Variants in KIAA1614 observed in about 807,000 individuals in gnomAD.
The protein encoded by KIAA1614 is uncharacterized protein KIAA1614.
KIAA1614 carries 76 observed loss-of-function variants against 88.7 expected under a neutral mutation model. The ratio of observed to expected loss-of-function variants is 0.86; its 90% CI spans 0.71 to 1.04. KIAA1614 has a LOEUF of 1.04. KIAA1614 is among the 50% of genes least tolerant of loss of function. The pLI is 0.00. For synonymous variants in KIAA1614, 714 were observed against 675.5 expected (o/e 1.06, Z -0.88); for missense variants, 1,553 against 1,582.5 (o/e 0.98, Z 0.32).
At chr1:180,926,148 A>C (rs566071235) in intron 3 of KIAA1614, among the ~76,000 whole-genome samples, 2 of 152,296 alleles carry the variant, frequency 1.3e-5, no homozygotes, top group East Asian at 3.9e-4. Context: ...CATGGCACTG[A>C]CCACCCCAAC....
Position 180,941,277 on chromosome 1 carries a change from CT to C in KIAA1614, c.3152del (p.Leu1051ArgfsTer23). 1.2e-6 allele frequency: 2 copies of C among 1,608,160 alleles called. No individual in the cohort carries two copies. Among genetic ancestry groups the C allele is most frequent in the Non-Finnish European group, 1.7e-6 (2 of 1,175,770 alleles). On this transcript the variant is annotated frameshift_variant, in exon 7 of 9. Transcript: ENST00000367588. LOFTEE classifies it high-confidence loss of function. The stretch of plus-strand genomic sequence containing the variant: ...GTCCAGGGCCCCATCGTTACAATCC[CT>C]GCACCCGGTGAGTCCAGGGGCCCCA... ...SQSRAPSLQS[L>X]HPVSPSHQRR...
Position 180,936,339 on chromosome 1 carries a change from T to G in KIAA1614, c.2430T>G (p.Pro810=). 2 of 1,613,846 alleles carry G rather than the reference T, an allele frequency of 1.2e-6. No individual in the cohort carries two copies. The highest frequency in any genetic ancestry group is 1.7e-6 in the Non-Finnish European group (2 of 1,179,932). ...SLCPEGWAPT[P]PPSRKTTSPV... The stretch of plus-strand genomic sequence containing the variant: ...GTCCTGAAGGCTGGGCGCCAACCCC[T>G]CCCCCTTCGAGGAAAACCACCTCGC... Residue 810 remains proline (P), a synonymous_variant, in exon 5 of 9, where the codon CCT becomes CCG. Coordinates refer to ENST00000367588, the MANE Select transcript of KIAA1614 (RefSeq NM_020950.2).
Position 180,945,483 on chromosome 1 carries a change from C to T in KIAA1614, c.3468C>T (p.Asp1156=), listed in dbSNP as rs1282081653. Reference sequence around the variant, plus strand: ...TGGCCTCTGGGAATGGGCGCCCAGACTCAGGTATGCCCTCTCCTCTTCCTC... The same window carrying T: ...TGGCCTCTGGGAATGGGCGCCCAGATTCAGGTATGCCCTCTCCTCTTCCTC... The part of the protein sequence containing the change: ...FCVASGNGRP[D]SGMPSPLPQP... Residue 1156 remains aspartate (D), a synonymous_variant, in exon 9 of 9, where the codon GAC becomes GAT. Coordinates refer to ENST00000367588, the MANE Select transcript of KIAA1614 (RefSeq NM_020950.2). The T allele has an allele frequency of 1.2e-6, 2 of 1,613,320 alleles. No individual in the cohort carries two copies. The highest frequency in any genetic ancestry group is 1.7e-6 in the Non-Finnish European group (2 of 1,179,872).
intron 3 of KIAA1614, 28 bp from the exon 4 acceptor site, chr1:180,928,402 C>T (rs746401824): frequency 3.4e-5 from 51 of 1,514,952 alleles, no homozygotes; most frequent in Non-Finnish European, 4.4e-5. Context: ...CCCTCCCCCA[C>T]CACCCTGGCC....
At position 180,928,464 on chromosome 1, in the gene KIAA1614, C is replaced by T. The variant is rs779198941; in HGVS notation, c.1096C>T (p.Pro366Ser). The change falls in exon 4 of 9, where the codon CCC becomes TCC. Residue 366 changes from proline to serine, a missense_variant. Coordinates refer to ENST00000367588, the MANE Select transcript of KIAA1614 (RefSeq NM_020950.2). ...TCCCAACCCGGAGCCTGTGCTGAGCCCCAGGCATGAGGAAGCCACGCATCT... is the reference window on the plus strand; with the variant it reads ...TCCCAACCCGGAGCCTGTGCTGAGCTCCAGGCATGAGGAAGCCACGCATCT... ...VGPNPEPVLSPRHEEATHLLQ... is the reference protein window; with the variant it reads ...VGPNPEPVLSSRHEEATHLLQ... The T allele has an allele frequency of 1.2e-6, 2 of 1,613,350 alleles. No homozygotes were observed. The highest frequency in any genetic ancestry group is 1.7e-6 in the Non-Finnish European group (2 of 1,179,912).
chr1:180,939,420 C>T (rs924472664), intron 6 of KIAA1614, among the ~76,000 whole-genome samples: 1 of 152,192 alleles, frequency 6.6e-6, no homozygotes, highest in Non-Finnish European at 1.5e-5. Context: ...CCCATGTCCC[C>T]TTCCCGGCAA....
rs752401060 is a variant in KIAA1614 at position 180,936,285 on chromosome 1, C to G, written c.2376C>G (p.His792Gln). Residue 792 changes from histidine to glutamine, a missense_variant, in exon 5 of 9, where the codon CAC (histidine) becomes CAG (glutamine). Coordinates refer to ENST00000367588, the MANE Select transcript of KIAA1614 (RefSeq NM_020950.2). The stretch of plus-strand genomic sequence containing the variant: ...GCCATGCAGAGCCTTCTGCCCCACA[C>G]CAAGCCTGGCAGCCAACAGCTTCCT... ...QQSHAEPSAP[H>Q]QAWQPTASLC... The G allele has an allele frequency of 1.2e-6, 2 of 1,614,194 alleles. No homozygotes were observed. The highest frequency in any genetic ancestry group is 1.7e-6 in the Non-Finnish European group (2 of 1,180,008).
chr1:180,945,892 G>A lies in KIAA1614; in HGVS notation c.*304G>A. On this transcript the variant is annotated 3_prime_UTR_variant, in exon 9 of 9. Coordinates refer to ENST00000367588, the MANE Select transcript of KIAA1614 (RefSeq NM_020950.2). ...GGCCGAGGCGCCTGGATCACCTGAG[G>A]TCAGGAGTTCGAGACCAGTCTGGCC... 3 of 906,794 alleles carry A rather than the reference G, an allele frequency of 3.3e-6. No individual in the cohort carries two copies. The highest frequency in any genetic ancestry group is 4.1e-6 in the Non-Finnish European group (3 of 723,244). 56.2% of individuals were successfully genotyped at this position (906,794 alleles called of 1,614,324 possible).
intron 4 of KIAA1614, among the ~76,000 whole-genome samples, chr1:180,933,491 G>A (rs1654246917): frequency 1.3e-5 from 2 of 152,194 alleles, no homozygotes; most frequent in South Asian, 4.1e-4. Context: ...AAAGAAACAA[G>A]AGATGGAATC....
At chr1:180,940,689 CTTCT>C (rs1654437319) in intron 6 of KIAA1614, among the ~76,000 whole-genome samples, 1 of 148,596 alleles carries the variant, frequency 6.7e-6, no homozygotes, top group Non-Finnish European at 1.5e-5. Context: ...TCCTTCCTTC[CTTCT>C]TTCCTTCTTT....
At chr1:180,929,349 G>T (rs554923456) in intron 4 of KIAA1614, among the ~76,000 whole-genome samples, 1 of 152,128 alleles carries the variant, frequency 6.6e-6, no homozygotes, top group Non-Finnish European at 1.5e-5. Context: ...GTTCTGACTC[G>T]GTGTCTGTGT....
At chr1:180,920,143 C>T (rs1653921963) in intron 3 of KIAA1614, among the ~76,000 whole-genome samples, 1 of 152,156 alleles carries the variant, frequency 6.6e-6, no homozygotes, top group African/African-American at 2.4e-5. Context: ...TCTTGAAGCC[C>T]CTCAGATAGG....
rs76845822 is a variant in KIAA1614 at position 180,933,044 on chromosome 1, G to A, written c.1206-2071G>A. ...CGTGAGCCACTGCGCCTGGCCAGCAGGAGTTCTTTTTAAAAAAAATTTCGT... is the reference window on the plus strand; with the variant it reads ...CGTGAGCCACTGCGCCTGGCCAGCAAGAGTTCTTTTTAAAAAAAATTTCGT... On this transcript the variant is annotated intron_variant, in intron 4 of 8. Coordinates refer to ENST00000367588, the MANE Select transcript of KIAA1614 (RefSeq NM_020950.2). Among the ~76,000 whole-genome samples, 9 of 152,280 alleles carry A rather than the reference G, an allele frequency of 5.9e-5. No homozygotes were observed. The East Asian group carries it at 1.7e-3, about 29-fold the overall frequency.
Position 180,941,277 on chromosome 1 carries a change from C to T in KIAA1614, c.3151C>T (p.Leu1051=). Residue 1051 remains leucine, a synonymous_variant, in exon 7 of 9, where the codon CTG becomes TTG. Transcript: ENST00000367588. ...GTCCAGGGCCCCATCGTTACAATCC[C>T]TGCACCCGGTGAGTCCAGGGGCCCC... is the stretch of plus-strand genomic sequence containing the variant. ...SQSRAPSLQS[L]HPVSPSHQRR... 1 of 1,608,160 alleles carries T rather than the reference C, an allele frequency of 6.2e-7. No individual in the cohort carries two copies. Among genetic ancestry groups the T allele is most frequent in the Non-Finnish European group, 8.5e-7 (1 of 1,175,770 alleles).
chr1:180,930,652 A>G (rs1171436915), intron 4 of KIAA1614, among the ~76,000 whole-genome samples: 1 of 152,220 alleles, frequency 6.6e-6, no homozygotes, highest in African/African-American at 2.4e-5. Flanking sequence ...AGCAGCTCAC[A>G]ACAACCCCAA....
chr1:180,925,158 A>C (rs546436831), intron 3 of KIAA1614, among the ~76,000 whole-genome samples: 103 of 152,302 alleles, frequency 6.8e-4, no homozygotes, highest in African/African-American at 2.5e-3. Flanking sequence ...CATGTCCTGC[A>C]GACCTGGGAA....
At chr1:180,917,136 A>G in intron 2 of KIAA1614, 36 bp downstream of exon 2, 1 of 1,548,344 alleles carries the variant, frequency 6.5e-7, no homozygotes, top group South Asian at 1.2e-5. Context: ...TGGTGGGGGG[A>G]GCAGGAGGGA....
rs1383588311 is a variant in KIAA1614, at chr1:180,941,197, C to T, written c.3071C>T (p.Ser1024Phe). 5.6e-6 allele frequency: 9 copies of T among 1,613,884 alleles called. No individual in the cohort carries two copies. Among genetic ancestry groups the T allele is most frequent in the Non-Finnish European group, 7.6e-6 (9 of 1,179,966 alleles). ...AGTTCCCGGCCCAAGCTGGGCAAGT[C>T]CCGCAGCTACAGTGTGGAGCAGTTG... ...GQSSRPKLGKSRSYSVEQLQP... is the reference protein window; with the variant it reads ...GQSSRPKLGKFRSYSVEQLQP... The change falls in exon 7 of 9, where the codon TCC becomes TTC. Residue 1024 changes from serine (S) to phenylalanine (F), a missense_variant. By Grantham distance (155) the Ser-to-Phe change is radical. Coordinates refer to ENST00000367588, the MANE Select transcript of KIAA1614 (RefSeq NM_020950.2).
Position 180,949,854 on chromosome 1 carries a change from T to C in KIAA1614, c.*4266T>C, listed in dbSNP as rs1269421071. ...GGATGTGGCTCAGCCACTTTTGCTC[T>C]TCCGATGATACCTTCCCACCACCCC... On this transcript the variant is annotated 3_prime_UTR_variant, in exon 9 of 9. Coordinates refer to ENST00000367588, the MANE Select transcript of KIAA1614 (RefSeq NM_020950.2). The C allele has an allele frequency of 6.6e-6, 1 of 152,244 alleles. No individual in the cohort carries two copies. Among genetic ancestry groups the C allele is most frequent in the Non-Finnish European group, 1.5e-5 (1 of 68,072 alleles). The allele number at this position is 152,244 out of a possible 1,614,324, so 9.4% of individuals were successfully genotyped here.
Sources: allele counts gnomAD v4.1 joint callset (sites outside exome capture counted in the v4.1 genomes callset), GRCh38; gene constraint gnomAD v4.1.1; transcripts MANE v1.5; gene names NCBI Gene and HGNC (gene_info 2026-07-23, HGNC 2026-07-21).